The following OXR1 variants were observed in gnomAD, a reference collection of about 807,000 sequenced individuals.
OXR1 encodes oxidation resistance protein 1.
In OXR1, 41 loss-of-function variants were observed where a neutral mutation model predicts 104.6. The observed-to-expected ratio is 0.39, with a 90% confidence interval of 0.31 to 0.51. OXR1 has a LOEUF of 0.51. Among genes scored for constraint, OXR1 ranks in the 20% least tolerant of loss-of-function variants. The pLI, the probability that OXR1 is intolerant of heterozygous loss-of-function variation, is 0.77. For synonymous variants in OXR1, 348 were observed against 348.4 expected (o/e 1.00, Z 0.01); for missense variants, 955 against 1,031.9 (o/e 0.93, Z 1.02).
intron 11 of OXR1, among the ~76,000 whole-genome samples, chr8:106,718,467 T>A (rs550292398): frequency 6.6e-6 from 1 of 152,354 alleles, no homozygotes; most frequent in Admixed American, 6.5e-5. Flanking sequence ...TGAGAAATAC[T>A]ATTCTTACTG....
chr8:106,546,653 A>G (rs916583821), intron 3 of OXR1, among the ~76,000 whole-genome samples: 5 of 152,214 alleles, frequency 3.3e-5, no homozygotes, highest in Non-Finnish European at 7.3e-5. Flanking sequence ...GGAACAGTCA[A>G]TGATGTATTC....
chr8:106,686,192 T>C (rs1828697926), intron 6 of OXR1, among the ~76,000 whole-genome samples: 2 of 151,664 alleles, frequency 1.3e-5, no homozygotes, highest in Non-Finnish European at 2.9e-5. Context: ...GCTTAGGTGA[T>C]GGGTGCACCA....
chr8:106,501,193 G>A (rs1811784721), intron 2 of OXR1, among the ~76,000 whole-genome samples: 1 of 152,126 alleles, frequency 6.6e-6, no homozygotes, highest in South Asian at 2.1e-4. Flanking sequence ...ACACAATCAA[G>A]GTTCACTGCA....
chr8:106,748,714 G>A (rs1201344434), intron 16 of OXR1, among the ~76,000 whole-genome samples: 2 of 151,492 alleles, frequency 1.3e-5, no homozygotes, highest in African/African-American at 2.4e-5. Flanking sequence ...AATTACAGGC[G>A]CCCACCACCA....
chr8:106,561,565 G>A (rs776863353), intron 3 of OXR1, among the ~76,000 whole-genome samples: 3 of 152,158 alleles, frequency 2.0e-5, no homozygotes, highest in Non-Finnish European at 4.4e-5. Flanking sequence ...TGACTTAAAC[G>A]TTCCTGTCTG....
chr8:106,282,762 G>T lies in OXR1; in HGVS notation c.-139+12395G>T, dbSNP rs547262667. Among the ~76,000 whole-genome samples the T allele has an allele frequency of 1.8e-3, 268 of 152,234 alleles. 2 individuals carry two copies. Among genetic ancestry groups the T allele is most frequent in the Non-Finnish European group, 3.1e-3 (211 of 67,996 alleles). ...GAAGAGGGACTTGTCTTGCTTTCTT[G>T]GGGTGGCAGAGATGGAAGAAAATTC... On this transcript the variant is annotated intron_variant, in intron 1 of 16. Coordinates refer to ENST00000517566, the MANE Select transcript of OXR1 (RefSeq NM_001198533.2).
At chr8:106,461,988 G>C (rs1181292014) in intron 2 of OXR1, among the ~76,000 whole-genome samples, 3 of 152,136 alleles carry the variant, frequency 2.0e-5, no homozygotes. Context: ...TGGATTACTA[G>C]TGAATTTATT....
chr8:106,743,925 C>G (rs1282802707), intron 15 of OXR1, among the ~76,000 whole-genome samples: 1 of 152,060 alleles, frequency 6.6e-6, no homozygotes, highest in African/African-American at 2.4e-5. Context: ...ATACACCATG[C>G]AAACTAATGC....
chr8:106,723,497 CAAA>C (rs550424646), intron 11 of OXR1, among the ~76,000 whole-genome samples: 1 of 95,700 alleles, frequency 1.0e-5, no homozygotes, highest in Non-Finnish European at 2.2e-5. Context: ...GCCTCTGTCT[CAAA>C]AAAAAAAAAA....
chr8:106,695,513 G>T (rs1331282163), intron 7 of OXR1, among the ~76,000 whole-genome samples: 5 of 151,572 alleles, frequency 3.3e-5, no homozygotes, highest in African/African-American at 1.2e-4. Context: ...CGCCTCCCAG[G>T]TTCAAGCAAT....
intron 15 of OXR1, among the ~76,000 whole-genome samples, chr8:106,743,417 G>A (rs1398152417): frequency 1.3e-5 from 2 of 152,178 alleles, no homozygotes; most frequent in Non-Finnish European, 2.9e-5. Flanking sequence ...TGCCTTCCAG[G>A]TTCAAGCAAT....
intron 3 of OXR1, among the ~76,000 whole-genome samples, chr8:106,595,246 A>T (rs1819425817): frequency 6.6e-6 from 1 of 152,118 alleles, no homozygotes; most frequent in Non-Finnish European, 1.5e-5. Flanking sequence ...AAGAAGTATC[A>T]TTTCTCCTTA....
intron 1 of OXR1, among the ~76,000 whole-genome samples, chr8:106,312,991 A>G (rs1023233094): frequency 2.0e-5 from 3 of 152,180 alleles, no homozygotes; most frequent in Non-Finnish European, 4.4e-5. Context: ...GGACTTTCTT[A>G]TTAAGAAAAG....
chr8:106,482,723 A>G (rs891134374), intron 2 of OXR1, among the ~76,000 whole-genome samples: 8 of 152,062 alleles, frequency 5.3e-5, no homozygotes, highest in Admixed American at 2.6e-4. Flanking sequence ...CATCTCCTTC[A>G]TCTATCTTAT....
At chr8:106,448,070 C>T (rs1187494393) in intron 2 of OXR1, 5 of 1,535,616 alleles carry the variant, frequency 3.3e-6, no homozygotes, top group Non-Finnish European at 4.4e-6. Context: ...CTATCAGCCT[C>T]CATCTGTTGT....
At chr8:106,363,937 CTT>C (rs556553295) in intron 2 of OXR1, among the ~76,000 whole-genome samples, 1 of 148,512 alleles carries the variant, frequency 6.7e-6, no homozygotes. Flanking sequence ...AATTCATCTT[CTT>C]TTTTTTTTCA....
chr8:106,459,802 G>A (rs1023562089), intron 2 of OXR1, among the ~76,000 whole-genome samples: 34 of 152,130 alleles, frequency 2.2e-4, no homozygotes, highest in African/African-American at 8.0e-4. Flanking sequence ...GCCACACTGT[G>A]TACTTATTCA....
intron 3 of OXR1, among the ~76,000 whole-genome samples, chr8:106,582,814 T>G (rs1818349396): frequency 6.6e-6 from 1 of 152,204 alleles, no homozygotes; most frequent in Non-Finnish European, 1.5e-5. Context: ...GAGAAGCATC[T>G]TCCTTATCAA....
Position 106,417,278 on chromosome 8 carries a change from T to A in OXR1, c.23+57642T>A, listed in dbSNP as rs144926740. Among the ~76,000 whole-genome samples, 464 of 152,226 alleles carry A rather than the reference T, an allele frequency of 3.0e-3. 2 individuals are homozygous for A. Among genetic ancestry groups the A allele is most frequent in the South Asian group, 6.7e-3 (32 of 4,808 alleles). ...TGGCAGATATTAAATATTCTATTGG[T>A]GTTAGCTATTGGAACTCCACTATTA... On this transcript the variant is annotated intron_variant, in intron 2 of 16. Coordinates refer to ENST00000517566, the MANE Select transcript of OXR1 (RefSeq NM_001198533.2).
Sources: gnomAD v4.1 joint callset for allele counts (sites outside exome capture counted in the v4.1 genomes callset) on GRCh38, gnomAD v4.1.1 for gene constraint, MANE v1.5 for transcripts, NCBI Gene and HGNC (gene_info 2026-07-23, HGNC 2026-07-21) for gene names.